Variants in UPF1 observed in about 807,000 individuals in gnomAD.
UPF1 encodes regulator of nonsense transcripts 1.
A neutral mutation model predicts 129.2 loss-of-function variants in UPF1; 9 were observed. The ratio of observed to expected loss-of-function variants is 0.07; its 90% CI spans 0.04 to 0.12. UPF1 has a LOEUF of 0.12. Among genes scored for constraint, UPF1 ranks in the 10% least tolerant of loss-of-function variants. UPF1 has a pLI of 1.00. For synonymous variants in UPF1, 649 were observed against 644.9 expected (o/e 1.01, Z -0.10); for missense variants, 788 against 1,525.3 (o/e 0.52, Z 8.05).
At chr19:18,861,894 CCAG>C (rs745789100) in intron 17 of UPF1, 113 bp from the exon 18 acceptor site, 150 of 1,407,612 alleles carry the variant, frequency 1.1e-4, no homozygotes, top group Admixed American at 3.7e-4. Context: ...TGAGCAGGCG[CCAG>C]GCCCCAAGCT....
intron 13 of UPF1, among the ~76,000 whole-genome samples, chr19:18,856,638 G>A (rs2055721301): frequency 6.6e-6 from 1 of 152,216 alleles, no homozygotes; most frequent in East Asian, 1.9e-4. Context: ...GCTGTCGTGA[G>A]GCGCAGAGCT....
In UPF1 at chr19:18,832,553, G is replaced by A. The variant is rs2055439359; in HGVS notation, c.231+113G>A. 2.5e-6 allele frequency: 2 copies of A among 800,928 alleles called. No individual in the cohort carries two copies. Among genetic ancestry groups the A allele is most frequent in the East Asian group, 1.3e-4 (1 of 7,978 alleles). The allele number at this position is 800,928 out of a possible 1,614,324, so 49.6% of individuals were successfully genotyped here. A position where few individuals can be genotyped will look rare whatever the true frequency, so the allele number is the denominator to read the frequency against. On this transcript the variant is annotated intron_variant, in intron 1 of 23. Transcript: ENST00000262803. This position sits in a 1 kb window ranked among gnomAD's most constrained non-coding sequence, Gnocchi z 5.6. ...TTGGCCGGAGTCCCCCATCGCGGCC[G>A]GGCCTGGGGCGATCTGCCCCGGGTC...
In UPF1 at chr19:18,856,030, G is replaced by A. The variant is rs757340664; in HGVS notation, c.1650G>A (p.Glu550=). The A allele has an allele frequency of 3.1e-6, 5 of 1,614,110 alleles. No individual in the cohort carries two copies. The highest frequency in any genetic ancestry group is 4.2e-6 in the Non-Finnish European group (5 of 1,180,046). The stretch of plus-strand genomic sequence containing the variant: ...TGCGCCTCTGCGCCAAGAGCCGTGA[G>A]GCCATCGACTCCCCGGTGTCTTTTC... ...KVVRLCAKSR[E]AIDSPVSFLA... is the part of the protein sequence containing the mutation. Residue 550 remains glutamate (E), a synonymous_variant, in exon 12 of 24, where the codon GAG becomes GAA. Coordinates refer to ENST00000262803, the MANE Select transcript of UPF1 (RefSeq NM_002911.4).
chr19:18,866,222 A>AG (rs2055842428), intron 23 of UPF1, 56 bp downstream of exon 23: 3 of 1,503,372 alleles, frequency 2.0e-6, no homozygotes, highest in Non-Finnish European at 1.8e-6. Flanking sequence ...GAAGGATGGG[A>AG]GGGGGCTCTC....
intron 19 of UPF1, among the ~76,000 whole-genome samples, chr19:18,863,834 A>C (rs536050646): frequency 1.3e-5 from 2 of 152,190 alleles, no homozygotes; most frequent in East Asian, 3.9e-4. Context: ...GCCTCTGGGA[A>C]TTGGGCTCAG....
intron 2 of UPF1, among the ~76,000 whole-genome samples, chr19:18,846,844 G>C (rs1440968055): frequency 6.6e-6 from 1 of 152,182 alleles, no homozygotes; most frequent in Admixed American, 6.5e-5. Flanking sequence ...CAAAAAATTA[G>C]CCAAGCATGG....
chr19:18,857,848 C>T (rs2055735491), intron 15 of UPF1, among the ~76,000 whole-genome samples: 1 of 152,228 alleles, frequency 6.6e-6, no homozygotes, highest in South Asian at 2.1e-4. Context: ...TTAACGTGGG[C>T]TGTGCATTCA....
intron 3 of UPF1, among the ~76,000 whole-genome samples, chr19:18,848,754 G>A (rs907061822): frequency 6.6e-6 from 1 of 152,074 alleles, no homozygotes; most frequent in Non-Finnish European, 1.5e-5. Flanking sequence ...GCCAGAAAGG[G>A]GCTGCTGTTT....
Position 18,856,240 on chromosome 19 carries a change from G to A in UPF1, c.1764G>A (p.Ser588=), listed in dbSNP as rs201992127. ...TGAAAGACGAGACTGGGGAGCTGTC[G>A]TCTGCCGACGAGAAGCGGTACCGGG... ...QQLKDETGEL[S]SADEKRYRAL... The change falls in exon 13 of 24, where the codon TCG becomes TCA. Residue 588 remains serine, a synonymous_variant. Coordinates refer to ENST00000262803, the MANE Select transcript of UPF1 (RefSeq NM_002911.4). The A allele has an allele frequency of 1.6e-5, 25 of 1,610,456 alleles. No homozygotes were observed. In the East Asian group the frequency reaches 1.6e-4, roughly 10 times the overall value.
chr19:18,866,303 A>C, intron 23 of UPF1, 137 bp downstream of exon 23: 1 of 1,333,056 alleles, frequency 7.5e-7, no homozygotes, highest in Non-Finnish European at 9.8e-7. Flanking sequence ...ATAGGCCCTC[A>C]GGGCCAGCTT....
chr19:18,862,818 G>C (rs1408014150), intron 18 of UPF1: 1 of 151,348 alleles, frequency 6.6e-6, no homozygotes, highest in Non-Finnish European at 1.5e-5. Flanking sequence ...TGGGCAACAA[G>C]AGCAAAACTC....
At chr19:18,854,135 T>C (rs1489638905) in intron 8 of UPF1, among the ~76,000 whole-genome samples, 1 of 152,180 alleles carries the variant, frequency 6.6e-6, no homozygotes, top group African/African-American at 2.4e-5. Context: ...TGCTTGGCCG[T>C]ACTGGGAGGG....
In UPF1 at chr19:18,843,856, C is replaced by T. The variant is rs115230717; in HGVS notation, c.232-2124C>T. On this transcript the variant is annotated intron_variant, in intron 1 of 23. Coordinates refer to ENST00000262803, the MANE Select transcript of UPF1 (RefSeq NM_002911.4). ...GACCTGCTGGGGTCAAGCAATCCTC[C>T]GGCCTCAACCTCCTGATTAGCTGGG... Among the ~76,000 whole-genome samples the T allele has an allele frequency of 6.4e-3, 975 of 152,048 alleles. 11 individuals carry two copies. Among genetic ancestry groups the T allele is most frequent in the African/African-American group, 0.023 (942 of 41,460 alleles).
chr19:18,855,046 C>A lies in UPF1; in HGVS notation c.1425+8C>A. 1.2e-6 allele frequency: 2 copies of A among 1,613,430 alleles called. No individual in the cohort carries two copies. Among genetic ancestry groups the A allele is most frequent in the Non-Finnish European group, 8.5e-7 (1 of 1,179,712 alleles). ...GACCTCAACCACTCCCAGGTGCGCGCCGTCCTCAGCGCGCGGGGCCTCGCC... is the reference window on the plus strand; with the variant it reads ...GACCTCAACCACTCCCAGGTGCGCGACGTCCTCAGCGCGCGGGGCCTCGCC... On this transcript the variant is annotated splice_region_variant and intron_variant, in intron 10 of 23. Coordinates refer to ENST00000262803, the MANE Select transcript of UPF1 (RefSeq NM_002911.4).
In UPF1 at chr19:18,868,115, T is replaced by C; in HGVS notation, c.*1598T>C. 5.5e-6 allele frequency: 1 copy of C among 182,740 alleles called. No individual in the cohort carries two copies. 11.3% of individuals were successfully genotyped at this position (182,740 alleles called of 1,614,324 possible). A position where few individuals can be genotyped will look rare whatever the true frequency, so the allele number is the denominator to read the frequency against. On this transcript the variant is annotated 3_prime_UTR_variant, in exon 24 of 24. Transcript: ENST00000262803. ...TTCGCCCTGTGCTGTGTTCTCCAGC[T>C]TTGTAGCAGCAGCCTTGACAAACCC...
intron 5 of UPF1, 60 bp from the exon 6 acceptor site, chr19:18,852,075 T>A: frequency 6.6e-7 from 1 of 1,513,686 alleles, no homozygotes; most frequent in Non-Finnish European, 8.8e-7. Context: ...CTCTGCGCCC[T>A]CGTTCATTTG....
Position 18,856,863 on chromosome 19 carries a change from G to A in UPF1, c.1825-14G>A. ...ACAGTGCAGGTGCCCTGATGCCTCTGCACCCTTCCCCAGAACGCAGATGTC... is the reference window on the plus strand; with the variant it reads ...ACAGTGCAGGTGCCCTGATGCCTCTACACCCTTCCCCAGAACGCAGATGTC... On this transcript the variant is annotated splice_polypyrimidine_tract_variant and intron_variant, in intron 13 of 23. Transcript: ENST00000262803. The A allele has an allele frequency of 1.2e-6, 2 of 1,607,848 alleles. No homozygotes were observed. The highest frequency in any genetic ancestry group is 1.1e-5 in the South Asian group (1 of 90,628).
intron 18 of UPF1, 24 bp from the exon 19 acceptor site, chr19:18,863,414 C>G: frequency 1.2e-6 from 2 of 1,606,772 alleles, no homozygotes; most frequent in South Asian, 2.2e-5. Flanking sequence ...CACCTGCGTC[C>G]TCAGCACTGC....
intron 3 of UPF1, chr19:18,848,400 G>A (rs1024446): frequency 0.42 from 65,584 of 154,436 alleles, 14,175 homozygotes; most frequent in South Asian, 0.59. Flanking sequence ...GGGGGAGTTC[G>A]ATGGTCTTGC....
Sources: allele counts gnomAD v4.1 joint callset (sites outside exome capture counted in the v4.1 genomes callset), GRCh38; gene constraint gnomAD v4.1.1; non-coding constraint Gnocchi (gnomAD v3.1); transcripts MANE v1.5; gene names NCBI Gene and HGNC (gene_info 2026-07-23, HGNC 2026-07-21).